Variants in DGKB observed in about 807,000 individuals in gnomAD.
DGKB encodes the protein 90 kDa diacylglycerol kinase.
A neutral mutation model predicts 114.3 loss-of-function variants in DGKB; 67 were observed. The observed-to-expected ratio is 0.59, with a 90% confidence interval of 0.48 to 0.72. The LOEUF is 0.72. Ranked by LOEUF, DGKB falls within the 30% of genes least tolerant of loss-of-function variation. The pLI is 0.00. For missense variants in DGKB, 907 were observed against 975.2 expected, an observed-to-expected ratio of 0.93 and a Z score of 0.93; for synonymous variants, 398 against 323.1, an observed-to-expected ratio of 1.23 and a Z score of -2.49.
At chr7:14,628,985 T>C (rs897763679) in intron 14 of DGKB, among the ~76,000 whole-genome samples, 1 of 152,074 alleles carries the variant, frequency 6.6e-6, no homozygotes, top group Admixed American at 6.5e-5. Context: ...ATTTACTCAA[T>C]CTATATGACA....
At chr7:14,277,231 T>A (rs1429318979) in intron 23 of DGKB, among the ~76,000 whole-genome samples, 1 of 152,144 alleles carries the variant, frequency 6.6e-6, no homozygotes, top group Non-Finnish European at 1.5e-5. Flanking sequence ...AGTGCAGTGA[T>A]GTGATCTCGG....
At chr7:14,802,526 T>A (rs922295681) in intron 2 of DGKB, among the ~76,000 whole-genome samples, 1 of 152,176 alleles carries the variant, frequency 6.6e-6, no homozygotes, top group African/African-American at 2.4e-5. Flanking sequence ...TTAAAAATTT[T>A]GTTAACATTC....
chr7:14,767,134 A>T (rs542656501), intron 2 of DGKB, among the ~76,000 whole-genome samples: 48 of 151,812 alleles, frequency 3.2e-4, no homozygotes, highest in African/African-American at 1.1e-3. Context: ...GGCAAGATAA[A>T]TTTTTTTAAA....
chr7:14,495,468 T>G (rs1291591322), intron 20 of DGKB, among the ~76,000 whole-genome samples: 1 of 151,842 alleles, frequency 6.6e-6, no homozygotes, highest in African/African-American at 2.4e-5. Flanking sequence ...GTTTTCAGGC[T>G]TATAGTCTTT....
intron 1 of DGKB, among the ~76,000 whole-genome samples, chr7:14,857,148 T>C (rs986326627): frequency 1.3e-5 from 2 of 152,000 alleles, no homozygotes; most frequent in African/African-American, 4.8e-5. Flanking sequence ...GATGAATTTT[T>C]AAAAATAAGG....
intron 19 of DGKB, among the ~76,000 whole-genome samples, chr7:14,576,988 C>A (rs1799221539): frequency 6.6e-6 from 1 of 152,130 alleles, no homozygotes; most frequent in Non-Finnish European, 1.5e-5. Context: ...TATCTTTTCC[C>A]TACTTCTTGT....
intron 23 of DGKB, among the ~76,000 whole-genome samples, chr7:14,337,568 A>G (rs1465842707): frequency 2.0e-5 from 3 of 152,130 alleles, no homozygotes; most frequent in Admixed American, 6.6e-5. Context: ...GTACTCAAAG[A>G]CACCAAAACA....
intron 5 of DGKB, among the ~76,000 whole-genome samples, chr7:14,727,540 GAATTT>G (rs1830201338): frequency 2.0e-5 from 3 of 152,222 alleles, no homozygotes; most frequent in South Asian, 4.1e-4. Flanking sequence ...CCAGTAGACA[GAATTT>G]ATTTCATCTG....
intron 5 of DGKB, among the ~76,000 whole-genome samples, chr7:14,722,022 A>AC (rs1554621128): frequency 6.6e-6 from 1 of 152,156 alleles, no homozygotes; most frequent in Non-Finnish European, 1.5e-5. Flanking sequence ...TAAAGTTATT[A>AC]CCCACTACAC....
At chr7:14,400,310 C>A (rs1485570428) in intron 21 of DGKB, among the ~76,000 whole-genome samples, 1 of 151,778 alleles carries the variant, frequency 6.6e-6, no homozygotes, top group Non-Finnish European at 1.5e-5. Context: ...AGTGATTCCT[C>A]AGAGAAATCA....
At chr7:14,484,437 T>C (rs1330634596) in intron 20 of DGKB, among the ~76,000 whole-genome samples, 3 of 152,182 alleles carry the variant, frequency 2.0e-5, no homozygotes, top group African/African-American at 7.2e-5. Flanking sequence ...TTCAGCACCG[T>C]CTCCTTGGTG....
intron 20 of DGKB, among the ~76,000 whole-genome samples, chr7:14,539,323 TG>T (rs1342169018): frequency 3.3e-5 from 5 of 152,122 alleles, no homozygotes; most frequent in African/African-American, 1.2e-4. Flanking sequence ...TCCTCAAAGC[TG>T]GGGAAAAATA....
At position 14,270,096 on chromosome 7, in the gene DGKB, C is replaced by T. The variant is rs1037165675; in HGVS notation, c.2122+68419G>A. Among the ~76,000 whole-genome samples the T allele has an allele frequency of 2.2e-5, 3 of 138,414 alleles. No homozygotes were observed. The East Asian group carries it at 7.0e-4, about 32-fold the overall frequency. 90.8% of individuals were successfully genotyped at this position (138,414 alleles called of 152,430 possible). A position where few individuals can be genotyped will look rare whatever the true frequency, so the allele number is the denominator to read the frequency against. On this transcript the variant is annotated intron_variant, in intron 23 of 25. Transcript: ENST00000402815. ...AAAAAGAGAGAGATTCCTGAATGCA[C>T]TTCACGATAAGGGAGTTTTATATAT...
intron 21 of DGKB, among the ~76,000 whole-genome samples, chr7:14,438,337 GCTACCAAGCA>G (rs1261315521): frequency 6.6e-6 from 1 of 152,066 alleles, no homozygotes; most frequent in East Asian, 1.9e-4. Flanking sequence ...TTTTAACAGT[GCTACCAAGCA>G]CGTCACATTT....
At chr7:14,838,592 T>G (rs958212866) in intron 2 of DGKB, among the ~76,000 whole-genome samples, 3 of 152,126 alleles carry the variant, frequency 2.0e-5, no homozygotes, top group Admixed American at 2.0e-4. Flanking sequence ...AGATATCCTC[T>G]GTTAATTTCA....
At chr7:14,578,015 C>A (rs1458169463) in intron 19 of DGKB, among the ~76,000 whole-genome samples, 1 of 152,148 alleles carries the variant, frequency 6.6e-6, no homozygotes. Context: ...CCATAATCCC[C>A]ACGTGTCAAG....
rs186313182 is a variant in DGKB, at chr7:14,352,165, T to A, written c.1836-6774A>T. On this transcript the variant is annotated intron_variant, in intron 21 of 25. Transcript: ENST00000402815. ...AACTTCAGACAGAATCATATGCTAC[T>A]CCATCTTAGTTTATAAAAGAAAAGA... is the stretch of plus-strand genomic sequence containing the variant. Among the ~76,000 whole-genome samples the A allele has an allele frequency of 3.4e-3, 525 of 152,318 alleles. 6 individuals are homozygous for A. Among genetic ancestry groups the A allele is most frequent in the African/African-American group, 0.012 (500 of 41,572 alleles).
intron 20 of DGKB, among the ~76,000 whole-genome samples, chr7:14,572,344 C>G (rs1016191121): frequency 3.3e-5 from 5 of 149,894 alleles, no homozygotes; most frequent in Admixed American, 6.7e-5. Flanking sequence ...CCCAGCTACT[C>G]GGGAGGCTGA....
chr7:14,829,367 A>G (rs1039873508), intron 2 of DGKB, among the ~76,000 whole-genome samples: 1 of 152,186 alleles, frequency 6.6e-6, no homozygotes, highest in Non-Finnish European at 1.5e-5. Flanking sequence ...AAATTTTCAG[A>G]TATCTCAGCC....
Sources: allele counts gnomAD v4.1 joint callset (sites outside exome capture counted in the v4.1 genomes callset), GRCh38; gene constraint gnomAD v4.1.1; transcripts MANE v1.5; gene names NCBI Gene and HGNC (gene_info 2026-07-23, HGNC 2026-07-21).